Variants in CSMD1 observed in about 807,000 individuals in gnomAD.
The protein encoded by CSMD1 is CUB and sushi domain-containing protein 1.
Under a neutral mutation model 417.5 loss-of-function variants are expected in CSMD1, and 213 were observed. That is an observed-to-expected ratio of 0.51 (90% CI 0.46 to 0.57). The LOEUF (loss-of-function observed/expected upper bound fraction) is 0.57, where lower values mean the gene tolerates loss of function less well. Ranked by LOEUF, CSMD1 falls within the 20% of genes least tolerant of loss-of-function variation. The probability of loss-of-function intolerance (pLI) is 0.00; values close to 1 mark genes in which losing one functional copy is unlikely to be tolerated. For missense variants in CSMD1, 6,923 were observed against 4,529.7 expected, an observed-to-expected ratio of 1.53 and a Z score of -15.17; for synonymous variants, 2,862 against 1,736.8, an observed-to-expected ratio of 1.65 and a Z score of -16.11.
chr8:3,317,372 T>C (rs565740893), intron 23 of CSMD1, among the ~76,000 whole-genome samples: 74 of 152,288 alleles, frequency 4.9e-4, no homozygotes, highest in African/African-American at 1.7e-3. Flanking sequence ...CAAATAGTAA[T>C]CGCAATAATT....
chr8:4,460,119 A>G (rs984198855), intron 2 of CSMD1, among the ~76,000 whole-genome samples: 1 of 152,186 alleles, frequency 6.6e-6, no homozygotes, highest in East Asian at 1.9e-4. Flanking sequence ...ATGCCACAGA[A>G]CTACTTTCAG....
chr8:3,659,179 A>AGCAAAATT (rs1798281912), intron 7 of CSMD1, among the ~76,000 whole-genome samples: 1 of 152,202 alleles, frequency 6.6e-6, no homozygotes. Context: ...ATTTCTACGA[A>AGCAAAATT]GCAAAATTGT....
rs1818565611 is a variant in CSMD1 at position 3,142,521 on chromosome 8, A to G, written c.6185T>C (p.Ile2062Thr). Residue 2062 changes from isoleucine to threonine, a missense_variant, in exon 41 of 70, where the codon ATC (isoleucine) becomes ACC (threonine). Ile to Thr is a moderately conservative substitution (Grantham distance 89, BLOSUM62 -1). Coordinates refer to ENST00000635120, the MANE Select transcript of CSMD1 (RefSeq NM_033225.6). ...TTGCGAATGGTCACTATAAAAGTGGATGAGGGTTTCATGCGTTGTGCTCAG... is the reference window on the plus strand; with the variant it reads ...TTGCGAATGGTCACTATAAAAGTGGGTGAGGGTTTCATGCGTTGTGCTCAG... Reference protein sequence around the residue: ...ALLSTTHETLIHFYSDHSQNR... With the variant: ...ALLSTTHETLTHFYSDHSQNR... 6.2e-7 allele frequency: 1 copy of G among 1,613,968 alleles called. No individual in the cohort carries two copies. Among genetic ancestry groups the G allele is most frequent in the Non-Finnish European group, 8.5e-7 (1 of 1,179,892 alleles).
Position 4,298,276 on chromosome 8 carries a change from A to G in CSMD1, c.415+121677T>C, listed in dbSNP as rs142492117. ...AAAACACATACATTAAAAGGTAAGA[A>G]GTTACAATAATAATGTTTGATTCCT... On this transcript the variant is annotated intron_variant, in intron 3 of 69. Transcript: ENST00000635120. 4.0e-3 allele frequency among the ~76,000 whole-genome samples: 612 copies of G among 152,320 alleles called. 3 individuals carry two copies. The highest frequency in any genetic ancestry group is 0.014 in the African/African-American group (584 of 41,580).
At chr8:3,099,652 T>C (rs1275767246) in intron 46 of CSMD1, among the ~76,000 whole-genome samples, 1 of 152,222 alleles carries the variant, frequency 6.6e-6, no homozygotes, top group African/African-American at 2.4e-5. Flanking sequence ...AAACCTTTAC[T>C]GAGTTGCTAA....
chr8:2,955,423 G>A (rs559767650), intron 64 of CSMD1, among the ~76,000 whole-genome samples, 166 bp downstream of exon 64: 3 of 152,210 alleles, frequency 2.0e-5, no homozygotes, highest in East Asian at 1.9e-4. Context: ...GGATACACAC[G>A]TTCACACACA....
chr8:3,335,077 C>G (rs934434266), intron 23 of CSMD1, among the ~76,000 whole-genome samples: 1 of 152,188 alleles, frequency 6.6e-6, no homozygotes, highest in South Asian at 2.1e-4. Flanking sequence ...ATAGCTATGA[C>G]TCATGAAACC....
At chr8:3,487,448 G>A (rs565248248) in intron 11 of CSMD1, among the ~76,000 whole-genome samples, 6 of 152,186 alleles carry the variant, frequency 3.9e-5, no homozygotes, top group South Asian at 4.1e-4. Context: ...TGATCTGCCC[G>A]CCTCGGCCTC....
intron 48 of CSMD1, among the ~76,000 whole-genome samples, chr8:3,091,100 A>G (rs1031099436): frequency 6.6e-6 from 1 of 152,074 alleles, no homozygotes; most frequent in African/African-American, 2.4e-5. Flanking sequence ...ATACATAAAG[A>G]GACCTGCAGA....
intron 7 of CSMD1, among the ~76,000 whole-genome samples, chr8:3,661,462 C>A (rs905516977): frequency 7.9e-5 from 12 of 152,056 alleles, no homozygotes; most frequent in Admixed American, 2.0e-4. Context: ...CTAGGGGTTG[C>A]CTGACTTGCG....
chr8:4,479,858 C>T (rs969338609), intron 2 of CSMD1, among the ~76,000 whole-genome samples: 4 of 151,392 alleles, frequency 2.6e-5, no homozygotes, highest in Non-Finnish European at 2.9e-5. Flanking sequence ...TCCAGCTACT[C>T]GGGAGGCTGA....
intron 52 of CSMD1, among the ~76,000 whole-genome samples, chr8:3,007,311 A>G (rs1808012919): frequency 6.6e-6 from 1 of 151,814 alleles, no homozygotes; most frequent in African/African-American, 2.4e-5. Context: ...TAGGAACACT[A>G]CACTGTTGGT....
chr8:3,499,517 T>C (rs1585258022), intron 10 of CSMD1, among the ~76,000 whole-genome samples: 3 of 152,098 alleles, frequency 2.0e-5, no homozygotes. Context: ...GAGTGTTCAC[T>C]GCTGGCAGCA....
intron 2 of CSMD1, among the ~76,000 whole-genome samples, chr8:4,568,778 A>C (rs1334345535): frequency 6.6e-6 from 1 of 152,154 alleles, no homozygotes; most frequent in African/African-American, 2.4e-5. Flanking sequence ...CCTCTCCAGC[A>C]TCTGTTATTT....
At chr8:3,975,809 T>C (rs1186844000) in intron 5 of CSMD1, among the ~76,000 whole-genome samples, 2 of 152,352 alleles carry the variant, frequency 1.3e-5, no homozygotes, top group South Asian at 2.1e-4. Context: ...TATAGGTTTA[T>C]TTTTATTCAA....
At chr8:4,648,444 G>T (rs976794978) in intron 1 of CSMD1, among the ~76,000 whole-genome samples, 1 of 152,072 alleles carries the variant, frequency 6.6e-6, no homozygotes, top group Non-Finnish European at 1.5e-5. Context: ...CACCACAAGG[G>T]CATGAAATAG....
intron 49 of CSMD1, among the ~76,000 whole-genome samples, chr8:3,056,118 G>C (rs1385072285): frequency 3.3e-5 from 5 of 152,182 alleles, no homozygotes; most frequent in African/African-American, 1.2e-4. Context: ...TAGTTGCAAG[G>C]ATTAACTCTC....
intron 1 of CSMD1, among the ~76,000 whole-genome samples, chr8:4,706,131 ATATTT>A (rs760120349): frequency 6.9e-4 from 104 of 150,566 alleles, no homozygotes; most frequent in Non-Finnish European, 1.2e-3. Context: ...TATATATTAC[ATATTT>A]TATATTAAAA....
At chr8:3,697,663 T>C (rs532704803) in intron 7 of CSMD1, among the ~76,000 whole-genome samples, 121 of 152,328 alleles carry the variant, frequency 7.9e-4, no homozygotes, top group African/African-American at 2.8e-3. Flanking sequence ...GAATCATTCA[T>C]AATCCTCCAG....
Sources: allele counts gnomAD v4.1 joint callset (sites outside exome capture counted in the v4.1 genomes callset), GRCh38; gene constraint gnomAD v4.1.1; transcripts MANE v1.5; gene names NCBI Gene and HGNC (gene_info 2026-07-23, HGNC 2026-07-21).